Variants in SLC7A14 observed in about 807,000 individuals in gnomAD.
SLC7A14 encodes the protein solute carrier family 7 member 14, also known as gamma-aminobutyric acid transporter SLC7A14.
A neutral mutation model predicts 60.2 loss-of-function variants in SLC7A14; 37 were observed. The observed-to-expected ratio is 0.61, with a 90% CI of 0.47 to 0.81. The LOEUF is 0.81. SLC7A14 is among the 30% of genes least tolerant of loss of function. SLC7A14 has a pLI of 0.00. For synonymous variants in SLC7A14, 399 were observed against 395.8 expected (o/e 1.01, Z -0.10); for missense variants, 886 against 982.7 (o/e 0.90, Z 1.32).
intron 1 of SLC7A14, among the ~76,000 whole-genome samples, chr3:170,574,637 G>C (rs930536159): frequency 6.6e-6 from 1 of 152,186 alleles, no homozygotes; most frequent in African/African-American, 2.4e-5. Context: ...GCTTCTTAAT[G>C]TGATAGATGG....
At chr3:170,544,401 A>G (rs1420338772) in intron 1 of SLC7A14, among the ~76,000 whole-genome samples, 1 of 152,178 alleles carries the variant, frequency 6.6e-6, no homozygotes, top group Admixed American at 6.5e-5. Flanking sequence ...AAACTGAGAG[A>G]TTAAAAGGCT....
chr3:170,533,508 G>A (rs558005812), intron 1 of SLC7A14, among the ~76,000 whole-genome samples: 4 of 152,098 alleles, frequency 2.6e-5, no homozygotes, highest in East Asian at 1.9e-4. Context: ...TTTCTTCTGC[G>A]ATCAACAGTG....
chr3:170,501,660 C>T (rs1712612970), intron 2 of SLC7A14, among the ~76,000 whole-genome samples: 2 of 152,130 alleles, frequency 1.3e-5, no homozygotes, highest in Non-Finnish European at 2.9e-5. Context: ...CCTGTGTGAA[C>T]ATGGGCCCAA....
At chr3:170,550,489 A>C (rs1714311342) in intron 1 of SLC7A14, among the ~76,000 whole-genome samples, 1 of 138,654 alleles carries the variant, frequency 7.2e-6, no homozygotes, top group Middle Eastern at 3.8e-3. Flanking sequence ...TTTCAAACTA[A>C]ACCTAATGCC....
At chr3:170,573,722 C>G (rs548710513) in intron 1 of SLC7A14, among the ~76,000 whole-genome samples, 265 of 152,332 alleles carry the variant, frequency 1.7e-3, no homozygotes, top group African/African-American at 6.1e-3. Flanking sequence ...TTGAAGGACA[C>G]AACTATTCTG....
intron 1 of SLC7A14, among the ~76,000 whole-genome samples, chr3:170,584,714 C>A (rs2108321540): frequency 6.6e-6 from 1 of 152,272 alleles, no homozygotes; most frequent in East Asian, 1.9e-4. Context: ...CTTTCAGCAC[C>A]GCGGACAGCG....
rs182823777 is a variant in SLC7A14 at position 170,526,642 on chromosome 3, T to C, written c.295A>G (p.Ile99Val). The C allele has an allele frequency of 1.7e-5, 27 of 1,614,020 alleles. No homozygotes were observed. In the East Asian group the frequency reaches 4.5e-4, roughly 27 times the overall value. ...GCATGGAGACACTTACCTGATAATA[T>C]GGATGCGACGGCTGCAATGATGAAG... is the stretch of plus-strand genomic sequence containing the variant. ...VSFIIAAVAS[I>V]LSGVCYAEFG... Residue 99 changes from isoleucine to valine, a missense_variant, in exon 2 of 8, where the codon ATA becomes GTA. By Grantham distance (29) the Ile-to-Val change is conservative. Transcript: ENST00000231706.
At chr3:170,577,347 G>C (rs1271232789) in intron 1 of SLC7A14, among the ~76,000 whole-genome samples, 2 of 152,088 alleles carry the variant, frequency 1.3e-5, no homozygotes, top group Non-Finnish European at 2.9e-5. Context: ...GGCCGGGCGC[G>C]GTGGCTCACG....
rs11708246 is a variant in SLC7A14, at chr3:170,535,609, G to A, written c.-152-8521C>T. Reference sequence around the variant, plus strand: ...TGACATGCTCCCTTGCCCTCTGGTTGGATTGGTCAATGGGAGGCACCAGCA... The same window carrying A: ...TGACATGCTCCCTTGCCCTCTGGTTAGATTGGTCAATGGGAGGCACCAGCA... On this transcript the variant is annotated intron_variant, in intron 1 of 7. Coordinates refer to ENST00000231706, the MANE Select transcript of SLC7A14 (RefSeq NM_020949.3). The surrounding 1 kb of genome is among the most constrained non-coding windows in gnomAD (Gnocchi z 4.3). 0.14 allele frequency among the ~76,000 whole-genome samples: 21,105 copies of A among 152,132 alleles called. 1,474 individuals carry two copies. The highest frequency in any genetic ancestry group is 0.18 in the Admixed American group (2,758 of 15,292).
chr3:170,513,455 G>A (rs1244982352), intron 2 of SLC7A14, among the ~76,000 whole-genome samples: 1 of 152,158 alleles, frequency 6.6e-6, no homozygotes, highest in African/African-American at 2.4e-5. Flanking sequence ...TTCCAAGTGG[G>A]AAATGTCTAA....
intron 2 of SLC7A14, among the ~76,000 whole-genome samples, chr3:170,512,046 C>G (rs964900383): frequency 9.2e-5 from 14 of 152,194 alleles, no homozygotes; most frequent in African/African-American, 3.4e-4. Context: ...ACCAACAATT[C>G]TCTCCTACCC....
Position 170,559,976 on chromosome 3 carries a change from G to A in SLC7A14, c.-153+25935C>T, listed in dbSNP as rs148059241. Among the ~76,000 whole-genome samples the A allele has an allele frequency of 5.1e-4, 77 of 152,304 alleles. No homozygotes were observed. The East Asian group carries it at 0.012, about 24-fold the overall frequency. On this transcript the variant is annotated intron_variant, in intron 1 of 7. Coordinates refer to ENST00000231706, the MANE Select transcript of SLC7A14 (RefSeq NM_020949.3). The stretch of plus-strand genomic sequence containing the variant: ...AGCATTGCTGAATAAAGATAATCCC[G>A]TAGCTCTTTTATTTTTGGTAAATTT...
chr3:170,531,738 G>A (rs1713686008), intron 1 of SLC7A14, among the ~76,000 whole-genome samples: 1 of 152,180 alleles, frequency 6.6e-6, no homozygotes, highest in South Asian at 2.1e-4. Flanking sequence ...TTTCCAAGAT[G>A]AGCAATAAAT....
intron 2 of SLC7A14, among the ~76,000 whole-genome samples, chr3:170,516,301 C>A (rs1015166522): frequency 6.6e-6 from 1 of 152,142 alleles, no homozygotes; most frequent in Admixed American, 6.5e-5. Flanking sequence ...ATCTTCATGA[C>A]CTGACTTAGA....
intron 2 of SLC7A14, among the ~76,000 whole-genome samples, chr3:170,523,094 T>C (rs1303586047): frequency 6.6e-6 from 1 of 152,246 alleles, no homozygotes; most frequent in Non-Finnish European, 1.5e-5. Flanking sequence ...ACTTATTTAG[T>C]GCTATGTGCT....
At chr3:170,547,054 C>G (rs1434593521) in intron 1 of SLC7A14, among the ~76,000 whole-genome samples, 1 of 152,132 alleles carries the variant, frequency 6.6e-6, no homozygotes, top group Non-Finnish European at 1.5e-5. Context: ...CCAGGTGATT[C>G]TAATGTGCAG....
chr3:170,534,430 C>A (rs1356541142), intron 1 of SLC7A14, among the ~76,000 whole-genome samples: 1 of 152,168 alleles, frequency 6.6e-6, no homozygotes, highest in South Asian at 2.1e-4. Context: ...GTGTCCTCCT[C>A]CCATTGAAGG....
chr3:170,492,840 T>C (rs1298131626), intron 4 of SLC7A14, among the ~76,000 whole-genome samples: 1 of 152,170 alleles, frequency 6.6e-6, no homozygotes, highest in East Asian at 1.9e-4. Context: ...GGCGCCTTTA[T>C]GTTATTCACT....
chr3:170,546,964 A>G (rs1226809642), intron 1 of SLC7A14, among the ~76,000 whole-genome samples: 1 of 152,162 alleles, frequency 6.6e-6, no homozygotes, highest in Non-Finnish European at 1.5e-5. Flanking sequence ...TAAAAATAAT[A>G]ATGTCCAGCC....
Sources: allele counts gnomAD v4.1 joint callset (sites outside exome capture counted in the v4.1 genomes callset), GRCh38; gene constraint gnomAD v4.1.1; non-coding constraint Gnocchi (gnomAD v3.1); transcripts MANE v1.5; gene names NCBI Gene and HGNC (gene_info 2026-07-23, HGNC 2026-07-21).